Variants in TBC1D31 observed in about 807,000 individuals in gnomAD.
TBC1D31 encodes TBC1 domain family member 31.
A neutral mutation model predicts 132.9 loss-of-function variants in TBC1D31; 99 were observed. The ratio of observed to expected loss-of-function variants is 0.74; its 90% CI spans 0.63 to 0.88. The LOEUF is 0.88. Ranked by LOEUF, TBC1D31 falls within the 40% of genes least tolerant of loss-of-function variation. The pLI, the probability that TBC1D31 is intolerant of heterozygous loss-of-function variation, is 0.00. For synonymous variants in TBC1D31, 385 were observed against 419.4 expected, an observed-to-expected ratio of 0.92 and a Z score of 1.00; for missense variants, 1,134 against 1,256.6, an observed-to-expected ratio of 0.90 and a Z score of 1.48.
intron 8 of TBC1D31, among the ~76,000 whole-genome samples, chr8:123,105,808 C>T (rs1462835001): frequency 6.6e-6 from 1 of 152,164 alleles, no homozygotes; most frequent in East Asian, 1.9e-4. Flanking sequence ...CACACATATA[C>T]AAAGTACACA....
At chr8:123,120,240 T>C (rs369774027) in intron 11 of TBC1D31, 52 bp downstream of exon 11, 510 of 1,458,770 alleles carry the variant, frequency 3.5e-4, no homozygotes, top group Non-Finnish European at 4.4e-4. Flanking sequence ...CTTATACATT[T>C]TCCTGATGTC....
chr8:123,125,353 C>T (rs1819933648), intron 11 of TBC1D31, among the ~76,000 whole-genome samples: 1 of 152,134 alleles, frequency 6.6e-6, no homozygotes, highest in African/African-American at 2.4e-5. Context: ...ATATATTCTA[C>T]TTTGGACTAA....
chr8:123,116,526 G>A (rs1208833673), intron 10 of TBC1D31, among the ~76,000 whole-genome samples: 1 of 152,148 alleles, frequency 6.6e-6, no homozygotes, highest in African/African-American at 2.4e-5. Flanking sequence ...TAACGTATAT[G>A]CAGATAAATA....
chr8:123,106,080 C>T (rs1817892885), intron 8 of TBC1D31, among the ~76,000 whole-genome samples: 1 of 152,206 alleles, frequency 6.6e-6, no homozygotes, highest in African/African-American at 2.4e-5. Context: ...CATATTCTCA[C>T]TAATAATACC....
chr8:123,088,420 CT>C (rs1332032857), intron 4 of TBC1D31, among the ~76,000 whole-genome samples: 1 of 151,748 alleles, frequency 6.6e-6, no homozygotes, highest in Non-Finnish European at 1.5e-5. Flanking sequence ...TGAGACCCAT[CT>C]CAAAAAAAAA....
intron 13 of TBC1D31, 43 bp from the exon 14 acceptor site, chr8:123,128,238 T>G: frequency 1.0e-6 from 1 of 993,102 alleles, no homozygotes. Context: ...TCATAATTGC[T>G]TTGTCAGGTA....
chr8:123,126,166 A>G lies in TBC1D31; in HGVS notation c.1681A>G (p.Ile561Val), dbSNP rs1586687347. The change falls in exon 12 of 22, where the codon ATA becomes GTA. Residue 561 changes from isoleucine to valine, a missense_variant. Transcript: ENST00000287380. ...TGACAAGGAACTGCTGCAACACTTC[A>G]TAGATCATGATATAACCTCCCAGGT... ...FHDKELLQHF[I>V]DHDITSQLYA... 1.2e-6 allele frequency: 2 copies of G among 1,610,820 alleles called. No homozygotes were observed. The highest frequency in any genetic ancestry group is 1.1e-5 in the South Asian group (1 of 89,994).
intron 8 of TBC1D31, among the ~76,000 whole-genome samples, chr8:123,107,264 G>A (rs770999962): frequency 3.9e-5 from 6 of 152,120 alleles, no homozygotes; most frequent in Admixed American, 6.6e-5. Context: ...GCTCAGACCG[G>A]CTTGTGTTCA....
In TBC1D31 at chr8:123,125,744, G is replaced by T. The variant is rs7824293; in HGVS notation, c.1571-312G>T. Among the ~76,000 whole-genome samples, 44 of 152,082 alleles carry T rather than the reference G, an allele frequency of 2.9e-4. No individual in the cohort carries two copies. In the South Asian group the frequency reaches 5.8e-3, roughly 20 times the overall value. The stretch of plus-strand genomic sequence containing the variant: ...GGGCCCTTTTTAAAAAGATCATTTC[G>T]TTAATCAGGTGATGAACAAAGCAGG... On this transcript the variant is annotated intron_variant, in intron 11 of 21. Coordinates refer to ENST00000287380, the MANE Select transcript of TBC1D31 (RefSeq NM_145647.4).
the TBC1D31 span, among the ~76,000 whole-genome samples, chr8:123,157,391 A>G: frequency 1.6e-3 from 250 of 152,116 alleles, no homozygotes; most frequent in African/African-American, 5.9e-3. Flanking sequence ...GCTGCTGTAA[A>G]TCCCGTCCAG....
At chr8:123,126,394 A>G (rs1048083877) in intron 12 of TBC1D31, 114 bp from the exon 13 acceptor site, 25 of 1,186,152 alleles carry the variant, frequency 2.1e-5, no homozygotes, top group Non-Finnish European at 2.9e-5. Context: ...TATTTTCATA[A>G]TTATGTATTT....
rs569716962 is a variant in TBC1D31, at chr8:123,124,893, C to T, written c.1571-1163C>T. 5.9e-3 allele frequency among the ~76,000 whole-genome samples: 873 copies of T among 148,798 alleles called. 10 individuals are homozygous for T. The highest frequency in any genetic ancestry group is 0.021 in the African/African-American group (842 of 40,286). On this transcript the variant is annotated intron_variant, in intron 11 of 21. Transcript: ENST00000287380. ...CAGAGGTTGCAATGAGCCGAGATCG[C>T]GCCACTGCACTCCAGCCTGGGCCAC...
At chr8:123,095,138 T>C (rs1816728114) in intron 5 of TBC1D31, among the ~76,000 whole-genome samples, 1 of 152,224 alleles carries the variant, frequency 6.6e-6, no homozygotes, top group Admixed American at 6.5e-5. Context: ...ATTTTTCCTG[T>C]ATACTGGTTA....
At chr8:123,126,343 C>T (rs967146696) in intron 12 of TBC1D31, among the ~76,000 whole-genome samples, 154 bp downstream of exon 12, 2 of 152,062 alleles carry the variant, frequency 1.3e-5, no homozygotes, top group African/African-American at 4.8e-5. Flanking sequence ...ATTAAACTGC[C>T]TTCCTGAAAG....
chr8:123,160,766 T>C, the TBC1D31 span, among the ~76,000 whole-genome samples: 1 of 151,984 alleles, frequency 6.6e-6, no homozygotes, highest in South Asian at 2.1e-4. Context: ...GGAAGGGAGG[T>C]AGAACAGGAG....
intron 2 of TBC1D31, among the ~76,000 whole-genome samples, chr8:123,080,529 C>CTTTTTTTTTTTTTTTTTTTTTT (rs57694076): frequency 1.3e-5 from 1 of 76,322 alleles, no homozygotes; most frequent in African/African-American, 5.5e-5. Flanking sequence ...TTCTTTTATT[C>CTTTTTTTTTTTTTTTTTTTTTT]TTTTTTTTTT....
At chr8:123,121,254 C>T (rs555339595) in intron 11 of TBC1D31, among the ~76,000 whole-genome samples, 3 of 152,122 alleles carry the variant, frequency 2.0e-5, no homozygotes, top group East Asian at 3.9e-4. Flanking sequence ...CCCTGGCACC[C>T]GACATTTTAT....
intron 5 of TBC1D31, among the ~76,000 whole-genome samples, chr8:123,094,026 T>C (rs2130184708): frequency 6.6e-6 from 1 of 152,212 alleles, no homozygotes; most frequent in South Asian, 2.1e-4. Context: ...ACTAAATATT[T>C]CCATAAGCTA....
intron 2 of TBC1D31, among the ~76,000 whole-genome samples, chr8:123,079,206 A>G (rs1016453141): frequency 6.6e-6 from 1 of 152,214 alleles, no homozygotes; most frequent in Non-Finnish European, 1.5e-5. Context: ...ATGAATCTGG[A>G]CTGATCCTTT....
Sources: gnomAD v4.1 joint callset for allele counts (sites outside exome capture counted in the v4.1 genomes callset) on GRCh38, gnomAD v4.1.1 for gene constraint, MANE v1.5 for transcripts, NCBI Gene and HGNC (gene_info 2026-07-23, HGNC 2026-07-21) for gene names.